Variants in ASAP2 observed in about 807,000 individuals in gnomAD.
The protein encoded by ASAP2 is arf-GAP with SH3 domain, ANK repeat and PH domain-containing protein 2.
Under a neutral mutation model 131.4 loss-of-function variants are expected in ASAP2, and 45 were observed. The observed-to-expected ratio is 0.34, with a 90% CI of 0.27 to 0.44. The LOEUF (loss-of-function observed/expected upper bound fraction) is 0.44. Ranked by LOEUF, ASAP2 falls within the 20% of genes least tolerant of loss-of-function variation. The pLI is 1.00. For synonymous variants in ASAP2, 510 were observed against 503.0 expected (o/e 1.01, Z -0.19); for missense variants, 1,011 against 1,297.0 (o/e 0.78, Z 3.39).
intron 1 of ASAP2, among the ~76,000 whole-genome samples, chr2:9,233,358 C>G (rs1663301411): frequency 6.6e-6 from 1 of 152,172 alleles, no homozygotes; most frequent in South Asian, 2.1e-4. Context: ...GATGAGAGGC[C>G]TTTATGCTTT....
At chr2:9,256,162 C>CAAAA (rs71389235) in intron 1 of ASAP2, among the ~76,000 whole-genome samples, 14 of 86,708 alleles carry the variant, frequency 1.6e-4, no homozygotes, top group Admixed American at 4.0e-4. Context: ...GGGTCCCCTG[C>CAAAA]AAAAAAAAAA....
At chr2:9,380,840 C>T (rs376216551) in intron 20 of ASAP2, 32 bp downstream of exon 20, 6 of 1,605,202 alleles carry the variant, frequency 3.7e-6, no homozygotes, top group African/African-American at 1.3e-5. Flanking sequence ...CGGGGTGGGG[C>T]ACCTGTCACG....
intron 1 of ASAP2, among the ~76,000 whole-genome samples, chr2:9,219,332 C>T (rs1662263445): frequency 6.6e-6 from 1 of 152,178 alleles, no homozygotes; most frequent in South Asian, 2.1e-4. Flanking sequence ...GCAGAAAGAC[C>T]TAGCCAGGGA....
intron 1 of ASAP2, among the ~76,000 whole-genome samples, chr2:9,229,229 CTGG>C (rs1662984759): frequency 6.6e-6 from 1 of 152,178 alleles, no homozygotes; most frequent in Non-Finnish European, 1.5e-5. Flanking sequence ...ACCTGCAGGG[CTGG>C]TGGCGGGGCA....
chr2:9,354,881 A>G (rs989744560), intron 12 of ASAP2, among the ~76,000 whole-genome samples: 4 of 152,156 alleles, frequency 2.6e-5, no homozygotes, highest in African/African-American at 4.8e-5. Flanking sequence ...AGGAGCACAG[A>G]TGTTCGTTGT....
intron 16 of ASAP2, among the ~76,000 whole-genome samples, chr2:9,369,648 G>T (rs530961302): frequency 6.6e-6 from 1 of 152,234 alleles, no homozygotes; most frequent in South Asian, 2.1e-4. Flanking sequence ...GTCCTGGCAG[G>T]ACAGAGAAAA....
chr2:9,264,759 G>C (rs1411026690), intron 1 of ASAP2, among the ~76,000 whole-genome samples: 1 of 152,016 alleles, frequency 6.6e-6, no homozygotes, highest in Non-Finnish European at 1.5e-5. Context: ...TGTGGGTTTT[G>C]CATCCTCGTG....
At chr2:9,323,379 CCT>C in intron 6 of ASAP2, 129 bp downstream of exon 6, 1 of 1,366,024 alleles carries the variant, frequency 7.3e-7, no homozygotes, top group Non-Finnish European at 9.9e-7. Flanking sequence ...TCCCTTTGCC[CCT>C]GTGTTGACAT....
At position 9,264,200 on chromosome 2, in the gene ASAP2, ATAAT is replaced by A. The variant is rs1558278248; in HGVS notation, c.127-15116_127-15113del. Among the ~76,000 whole-genome samples, 158 of 149,006 alleles carry A rather than the reference ATAAT, an allele frequency of 1.1e-3. 5 individuals carry two copies. The highest frequency in any genetic ancestry group is 3.8e-3 in the African/African-American group (153 of 40,054). Reference sequence around the variant, plus strand: ...AGTGAGACCCTGTCTCAAAAAAATAATAATAATAATAATAATAATAATAAACACA... The same window carrying A: ...AGTGAGACCCTGTCTCAAAAAAATAAAATAATAATAATAATAATAAACACA... On this transcript the variant is annotated intron_variant, in intron 1 of 27. Transcript: ENST00000281419.
rs1458250569 is a variant in ASAP2, at chr2:9,207,892, C to A, written c.126+662C>A. On this transcript the variant is annotated intron_variant, in intron 1 of 27. Coordinates refer to ENST00000281419, the MANE Select transcript of ASAP2 (RefSeq NM_003887.3). This position sits in a 1 kb window ranked among gnomAD's most constrained non-coding sequence, Gnocchi z 4.1. ...ACCTGCTTGAACCCGGAATGCCGCC[C>A]TTCCCCCTCAACCTGGAAAAGGCCT... Among the ~76,000 whole-genome samples, 1 of 152,208 alleles carries A rather than the reference C, an allele frequency of 6.6e-6. No homozygotes were observed. Among genetic ancestry groups the A allele is most frequent in the Non-Finnish European group, 1.5e-5 (1 of 68,038 alleles).
intron 1 of ASAP2, among the ~76,000 whole-genome samples, chr2:9,247,598 G>A (rs1464196878): frequency 4.6e-5 from 7 of 152,174 alleles, no homozygotes; most frequent in African/African-American, 1.7e-4. Flanking sequence ...TACCTCTGCT[G>A]CTCACTAGCT....
intron 1 of ASAP2, among the ~76,000 whole-genome samples, chr2:9,243,194 C>T (rs980905306): frequency 5.3e-5 from 8 of 152,250 alleles, no homozygotes; most frequent in East Asian, 1.9e-4. Context: ...CTGCAAGCTC[C>T]GCCTCCCGGG....
intron 24 of ASAP2, among the ~76,000 whole-genome samples, chr2:9,397,727 GATATAT>G (rs200560260): frequency 0.012 from 996 of 83,380 alleles, 28 homozygotes; most frequent in African/African-American, 0.023. Flanking sequence ...AAATCAAAAG[GATATAT>G]ATATATATAT....
intron 3 of ASAP2, among the ~76,000 whole-genome samples, chr2:9,302,164 G>GTTTTTTTT: frequency 9.8e-6 from 1 of 101,902 alleles, no homozygotes; most frequent in East Asian, 3.0e-4. Context: ...ATGTGAGTTA[G>GTTTTTTTT]AAGCCTTTTT....
At chr2:9,401,796 C>G (rs62118810) in intron 27 of ASAP2, among the ~76,000 whole-genome samples, 16,296 of 152,294 alleles carry the variant, frequency 0.11, 933 homozygotes, top group African/African-American at 0.15. Context: ...TGTGGCCGCC[C>G]AGGCGTCCAG....
At chr2:9,364,722 G>T (rs763646194) in intron 15 of ASAP2, among the ~76,000 whole-genome samples, 3 of 152,196 alleles carry the variant, frequency 2.0e-5, no homozygotes, top group Non-Finnish European at 4.4e-5. Context: ...ACTTACAACT[G>T]TCTTCTAAGT....
intron 2 of ASAP2, among the ~76,000 whole-genome samples, chr2:9,290,685 G>C (rs1180018082): frequency 1.3e-5 from 2 of 152,218 alleles, no homozygotes; most frequent in Non-Finnish European, 2.9e-5. Context: ...AGCAAGTCTT[G>C]AGCCTGGCAG....
intron 2 of ASAP2, among the ~76,000 whole-genome samples, chr2:9,287,710 G>T (rs1667555040): frequency 6.6e-6 from 1 of 152,196 alleles, no homozygotes; most frequent in Admixed American, 6.5e-5. Context: ...ATAGAGGGAG[G>T]TGAGGACGTG....
At chr2:9,374,645 G>T in intron 16 of ASAP2, 110 bp from the exon 17 acceptor site, 2 of 1,083,674 alleles carry the variant, frequency 1.8e-6, no homozygotes, top group Non-Finnish European at 1.3e-6. Flanking sequence ...GGCCAGCGGT[G>T]CTTACCAGGG....
Sources: gnomAD v4.1 joint callset for allele counts (sites outside exome capture counted in the v4.1 genomes callset) on GRCh38, gnomAD v4.1.1 for gene constraint, Gnocchi (gnomAD v3.1) non-coding constraint, MANE v1.5 for transcripts, NCBI Gene and HGNC (gene_info 2026-07-23, HGNC 2026-07-21) for gene names.